ARHGAP10: variants seen among roughly 807,000 people sequenced by gnomAD.
ARHGAP10 encodes rho GTPase-activating protein 10.
In ARHGAP10, 87 loss-of-function variants were observed where a neutral mutation model predicts 108.6. That is an observed-to-expected ratio of 0.80 (90% confidence interval 0.67 to 0.96). ARHGAP10 has a LOEUF of 0.96. Ranked by LOEUF, ARHGAP10 falls within the 40% of genes least tolerant of loss-of-function variation. The pLI, the probability that ARHGAP10 is intolerant of heterozygous loss-of-function variation, is 0.00. For synonymous variants in ARHGAP10, 347 were observed against 341.1 expected (o/e 1.02, Z -0.19); for missense variants, 939 against 954.5 (o/e 0.98, Z 0.21).
chr4:147,853,401 A>T (rs1204675800), intron 4 of ARHGAP10, among the ~76,000 whole-genome samples: 1 of 152,222 alleles, frequency 6.6e-6, no homozygotes. Context: ...AACATTATTT[A>T]ATTTTGTAGT....
At chr4:148,018,410 T>C (rs2149660161) in intron 18 of ARHGAP10, among the ~76,000 whole-genome samples, 2 of 152,308 alleles carry the variant, frequency 1.3e-5, no homozygotes, top group Admixed American at 1.3e-4. Flanking sequence ...TAGAACAAGA[T>C]AAGCTACATT....
chr4:147,947,614 G>T (rs1193488706), intron 15 of ARHGAP10, among the ~76,000 whole-genome samples: 1 of 151,860 alleles, frequency 6.6e-6, no homozygotes, highest in Admixed American at 6.6e-5. Context: ...TGTTGACCAG[G>T]CTGGTCTCAA....
chr4:147,836,846 T>A (rs573708134), intron 3 of ARHGAP10, among the ~76,000 whole-genome samples: 50 of 152,198 alleles, frequency 3.3e-4, no homozygotes, highest in Non-Finnish European at 5.3e-4. Flanking sequence ...TTTTTTTTTT[T>A]AAATTGTTTT....
At chr4:147,759,835 G>A (rs1184845822) in intron 1 of ARHGAP10, among the ~76,000 whole-genome samples, 8 of 152,126 alleles carry the variant, frequency 5.3e-5, no homozygotes, top group Non-Finnish European at 7.4e-5. Flanking sequence ...CACAACCCTC[G>A]CCTTCCAGGC....
At chr4:147,772,892 T>C (rs1252187610) in intron 1 of ARHGAP10, among the ~76,000 whole-genome samples, 1 of 152,168 alleles carries the variant, frequency 6.6e-6, no homozygotes, top group East Asian at 1.9e-4. Flanking sequence ...TCTCTTAGTA[T>C]TTCAGTTTGA....
intron 10 of ARHGAP10, among the ~76,000 whole-genome samples, chr4:147,901,906 CTT>C (rs770925219): frequency 7.7e-4 from 117 of 152,210 alleles, no homozygotes; most frequent in Non-Finnish European, 1.5e-3. Flanking sequence ...CAGTGGAAAA[CTT>C]TAGGGGAAAA....
At chr4:148,043,791 T>G (rs1448753494) in intron 19 of ARHGAP10, among the ~76,000 whole-genome samples, 2 of 147,136 alleles carry the variant, frequency 1.4e-5, no homozygotes, top group Non-Finnish European at 3.0e-5. Context: ...TATATATGTA[T>G]ATATATATGC....
intron 13 of ARHGAP10, among the ~76,000 whole-genome samples, chr4:147,914,568 C>CT (rs1468427040): frequency 7.2e-5 from 9 of 125,226 alleles, no homozygotes; most frequent in African/African-American, 2.2e-4. Context: ...CCCCCCCCCC[C>CT]TTTTTTTTTT....
rs564618052 is a variant in ARHGAP10, at chr4:148,016,749, T to G, written c.1717-6514T>G. Among the ~76,000 whole-genome samples, 88 of 152,170 alleles carry G rather than the reference T, an allele frequency of 5.8e-4. 1 individual carries two copies. Among genetic ancestry groups the G allele is most frequent in the Non-Finnish European group, 1.2e-3 (80 of 68,002 alleles). On this transcript the variant is annotated intron_variant, in intron 18 of 22. Coordinates refer to ENST00000336498, the MANE Select transcript of ARHGAP10 (RefSeq NM_024605.4). Reference sequence around the variant, plus strand: ...CTTAGTCCCCAAGACTGCCCCCTTTTCAGATGCTGGTCGCAGGTCCGGGCC... The same window carrying G: ...CTTAGTCCCCAAGACTGCCCCCTTTGCAGATGCTGGTCGCAGGTCCGGGCC...
intron 5 of ARHGAP10, among the ~76,000 whole-genome samples, chr4:147,859,615 A>G (rs530236883): frequency 6.6e-6 from 1 of 152,256 alleles, no homozygotes; most frequent in African/African-American, 2.4e-5. Context: ...CAAACTGTGC[A>G]TTTGTTACGT....
At chr4:147,798,076 C>T (rs1317563885) in intron 1 of ARHGAP10, among the ~76,000 whole-genome samples, 1 of 152,120 alleles carries the variant, frequency 6.6e-6, no homozygotes, top group East Asian at 1.9e-4. Context: ...ATGAATAGTT[C>T]CTCCCTGTAC....
At chr4:147,860,134 T>G (rs1229876460) in intron 5 of ARHGAP10, among the ~76,000 whole-genome samples, 4 of 152,190 alleles carry the variant, frequency 2.6e-5, no homozygotes, top group Non-Finnish European at 5.9e-5. Flanking sequence ...TTCTCTCCTC[T>G]TGCTTCAATT....
chr4:147,925,332 T>G (rs1737421044), intron 13 of ARHGAP10, among the ~76,000 whole-genome samples: 2 of 152,160 alleles, frequency 1.3e-5, no homozygotes, highest in South Asian at 4.1e-4. Flanking sequence ...AGACACAACA[T>G]TAGGCCTTTT....
intron 8 of ARHGAP10, among the ~76,000 whole-genome samples, chr4:147,876,950 G>A (rs186068508): frequency 6.6e-6 from 1 of 152,320 alleles, no homozygotes; most frequent in African/African-American, 2.4e-5. Flanking sequence ...TGCTGGAGTT[G>A]TCATTCTGAA....
At chr4:147,802,325 A>T (rs1421736323) in intron 1 of ARHGAP10, among the ~76,000 whole-genome samples, 1 of 152,224 alleles carries the variant, frequency 6.6e-6, no homozygotes, top group Non-Finnish European at 1.5e-5. Flanking sequence ...GATGTTCAGA[A>T]GTTAGGGTGA....
intron 3 of ARHGAP10, among the ~76,000 whole-genome samples, chr4:147,824,999 G>A (rs763214569): frequency 7.2e-5 from 11 of 152,168 alleles, no homozygotes; most frequent in Non-Finnish European, 1.3e-4. Flanking sequence ...ATGGCATCTA[G>A]GAGGTAGAGC....
Position 147,879,449 on chromosome 4 carries a change from A to C in ARHGAP10, c.939+111A>C, listed in dbSNP as rs996680882. 6 of 880,524 alleles carry C rather than the reference A, an allele frequency of 6.8e-6. No individual in the cohort carries two copies. In the Admixed American group the frequency reaches 1.8e-4, roughly 26 times the overall value. 54.5% of individuals were successfully genotyped at this position (880,524 alleles called of 1,614,324 possible). ...GGTTTATATTCATGGATGGTAAATA[A>C]ATTGTTAGTATTAAAATCTTTGTTT... On this transcript the variant is annotated intron_variant, in intron 9 of 22. Transcript: ENST00000336498.
chr4:147,983,324 T>G (rs1578758301), intron 18 of ARHGAP10, among the ~76,000 whole-genome samples: 1 of 151,818 alleles, frequency 6.6e-6, no homozygotes, highest in Admixed American at 6.6e-5. Flanking sequence ...TAGCTGGGAC[T>G]ACAGGCGCCC....
intron 1 of ARHGAP10, among the ~76,000 whole-genome samples, chr4:147,771,164 C>T (rs957022871): frequency 3.9e-5 from 6 of 152,110 alleles, no homozygotes; most frequent in East Asian, 1.9e-4. Context: ...GGCAACAAGG[C>T]GAGACCCCTG....
Sources: gnomAD v4.1 joint callset for allele counts (sites outside exome capture counted in the v4.1 genomes callset) on GRCh38, gnomAD v4.1.1 for gene constraint, MANE v1.5 for transcripts, NCBI Gene and HGNC (gene_info 2026-07-23, HGNC 2026-07-21) for gene names.